The following RPGRIP1L variants were observed in gnomAD, a reference collection of about 807,000 sequenced individuals.
RPGRIP1L encodes the protein RPGRIP1 like, also known as protein fantom.
A neutral mutation model predicts 160.4 loss-of-function variants in RPGRIP1L; 131 were observed. That is an observed-to-expected ratio of 0.82 (90% CI 0.71 to 0.94). The LOEUF is 0.94. Among genes scored for constraint, RPGRIP1L ranks in the 40% least tolerant of loss-of-function variants. RPGRIP1L has a pLI of 0.00. For missense variants in RPGRIP1L, 1,522 were observed against 1,535.8 expected, an observed-to-expected ratio of 0.99 and a Z score of 0.15; for synonymous variants, 510 against 515.8, an observed-to-expected ratio of 0.99 and a Z score of 0.15.
intron 21 of RPGRIP1L, among the ~76,000 whole-genome samples, chr16:53,636,941 G>GACACACACACAC (rs34373919): frequency 6.3e-5 from 9 of 142,124 alleles, no homozygotes; most frequent in Admixed American, 2.9e-4. Context: ...TGCAATATTT[G>GACACACACACAC]ACACACACAC....
rs1966216548 is a variant in RPGRIP1L at position 53,641,440 on chromosome 16, C to A, written c.2719G>T (p.Ala907Ser). The A allele has an allele frequency of 6.2e-7, 1 of 1,613,938 alleles. No individual in the cohort carries two copies. The change falls in exon 18 of 27, where the codon GCT becomes TCT. Residue 907 changes from alanine (A) to serine (S), a missense_variant. Physicochemically the swap from Ala to Ser is moderately conservative, Grantham distance 99 (BLOSUM62 1). Transcript: ENST00000647211. ...TTCAATATAACATGGATGGTGCCAGCAGGATGCTTTTGATGGTCTGTTAAC... is the reference window on the plus strand; with the variant it reads ...TTCAATATAACATGGATGGTGCCAGAAGGATGCTTTTGATGGTCTGTTAAC... ...FELTDHQKHP[A>S]GTIHVILKWK... is the part of the protein sequence containing the mutation.
chr16:53,607,571 A>G (rs1418965323), intron 25 of RPGRIP1L, among the ~76,000 whole-genome samples: 1 of 152,232 alleles, frequency 6.6e-6, no homozygotes, highest in East Asian at 1.9e-4. Flanking sequence ...GAAAAGACTG[A>G]GGCTATGCAG....
At chr16:53,665,435 TAA>T (rs1291305225) in intron 9 of RPGRIP1L, among the ~76,000 whole-genome samples, 1 of 152,168 alleles carries the variant, frequency 6.6e-6, no homozygotes, top group Non-Finnish European at 1.5e-5. Context: ...GTGAAACTTT[TAA>T]AGAGTCTGTG....
At chr16:53,695,039 C>G (rs1300016181) in intron 3 of RPGRIP1L, 1 of 350,072 alleles carries the variant, frequency 2.9e-6, no homozygotes, top group Non-Finnish European at 5.1e-6. Flanking sequence ...AACTTGATTC[C>G]TAGCTCAGTC....
At position 53,696,230 on chromosome 16, in the gene RPGRIP1L, C is replaced by G; in HGVS notation, c.151G>C (p.Glu51Gln). The G allele has an allele frequency of 6.2e-7, 1 of 1,614,066 alleles. No individual in the cohort carries two copies. The highest frequency in any genetic ancestry group is 1.7e-5 in the Admixed American group (1 of 60,022). The change falls in exon 3 of 27, where the codon GAA (glutamate) becomes CAA (glutamine). Residue 51 changes from glutamate to glutamine, a missense_variant. Coordinates refer to ENST00000647211, the MANE Select transcript of RPGRIP1L (RefSeq NM_015272.5). ...AVSRVSREELEDRFLRLHDEN... is the reference protein window; with the variant it reads ...AVSRVSREELQDRFLRLHDEN... Reference sequence around the variant, plus strand: ...TCATGCAAACGCAAAAATCTGTCTTCCAGTTCCTCACGACTGACACGTGAC... The same window carrying G: ...TCATGCAAACGCAAAAATCTGTCTTGCAGTTCCTCACGACTGACACGTGAC...
chr16:53,658,985 G>T, intron 10 of RPGRIP1L, 107 bp from the exon 11 acceptor site: 1 of 816,332 alleles, frequency 1.2e-6, no homozygotes, highest in Non-Finnish European at 2.0e-6. Flanking sequence ...ATCTAGTATT[G>T]TTCTGGTCAG....
chr16:53,701,786 AGG>A (rs1014775372), intron 1 of RPGRIP1L: 7 of 152,172 alleles, frequency 4.6e-5, no homozygotes, highest in African/African-American at 1.7e-4. Context: ...ATGGGGTTTC[AGG>A]GTCTGTGAAC....
chr16:53,663,383 A>C (rs1204121691), intron 10 of RPGRIP1L, among the ~76,000 whole-genome samples: 1 of 152,114 alleles, frequency 6.6e-6, no homozygotes, highest in Non-Finnish European at 1.5e-5. Context: ...CAGATATCCA[A>C]AAGATAACAG....
At chr16:53,653,162 T>C (rs1966933587) in intron 14 of RPGRIP1L, 175 bp from the exon 15 acceptor site, 1 of 412,046 alleles carries the variant, frequency 2.4e-6, no homozygotes, top group African/African-American at 2.2e-5. Context: ...ATCATTTCTG[T>C]TTTGACATCA....
At chr16:53,654,899 C>T (rs548902032) in intron 14 of RPGRIP1L, among the ~76,000 whole-genome samples, 16 of 152,300 alleles carry the variant, frequency 1.1e-4, no homozygotes, top group African/African-American at 2.9e-4. Flanking sequence ...TTTTGGAAAA[C>T]CCTGCTTCGT....
chr16:53,639,734 T>C (rs574691145), intron 19 of RPGRIP1L, among the ~76,000 whole-genome samples: 2 of 152,260 alleles, frequency 1.3e-5, no homozygotes, highest in East Asian at 1.9e-4. Flanking sequence ...ATCAACTACA[T>C]AGGGTTGTTG....
At chr16:53,653,241 A>T in intron 14 of RPGRIP1L, 1 of 875,118 alleles carries the variant, frequency 1.1e-6, no homozygotes, top group South Asian at 5.3e-5. Flanking sequence ...AGGGGAGAAA[A>T]ATATCAAAAG....
chr16:53,627,619 C>T (rs1965266052), intron 22 of RPGRIP1L, among the ~76,000 whole-genome samples: 1 of 152,048 alleles, frequency 6.6e-6, no homozygotes, highest in Non-Finnish European at 1.5e-5. Context: ...CCAAACATGC[C>T]TTTATATTTT....
At chr16:53,646,124 T>A in intron 16 of RPGRIP1L, 121 bp from the exon 17 acceptor site, 1 of 857,520 alleles carries the variant, frequency 1.2e-6, no homozygotes, top group Non-Finnish European at 1.9e-6. Context: ...CACTTCATAA[T>A]TTCTCAGTAA....
intron 24 of RPGRIP1L, among the ~76,000 whole-genome samples, chr16:53,613,181 C>T (rs1405960075): frequency 6.6e-6 from 1 of 152,174 alleles, no homozygotes; most frequent in East Asian, 1.9e-4. Flanking sequence ...ATTGTTTCCA[C>T]CTTTGACTAT....
At chr16:53,661,724 A>C (rs1307149722) in intron 10 of RPGRIP1L, among the ~76,000 whole-genome samples, 2 of 152,102 alleles carry the variant, frequency 1.3e-5, no homozygotes, top group Admixed American at 1.3e-4. Context: ...CAGGGTTCCT[A>C]TATGTTATTA....
chr16:53,666,509 T>C (rs2151206460), intron 9 of RPGRIP1L, among the ~76,000 whole-genome samples: 1 of 152,146 alleles, frequency 6.6e-6, no homozygotes, highest in African/African-American at 2.4e-5. Flanking sequence ...TTTCTATGTA[T>C]GGCCAAATTG....
intron 22 of RPGRIP1L, among the ~76,000 whole-genome samples, chr16:53,627,157 G>A (rs553415922): frequency 3.2e-4 from 49 of 152,190 alleles, no homozygotes; most frequent in Middle Eastern, 6.8e-3. Context: ...GCCACTACAC[G>A]CAGCCATACT....
At chr16:53,639,597 T>G (rs1024094924) in intron 19 of RPGRIP1L, among the ~76,000 whole-genome samples, 2 of 152,140 alleles carry the variant, frequency 1.3e-5, no homozygotes, top group East Asian at 3.9e-4. Context: ...TTTTTAATGT[T>G]AGTGGTCATT....
Sources: allele counts gnomAD v4.1 joint callset (sites outside exome capture counted in the v4.1 genomes callset), GRCh38; gene constraint gnomAD v4.1.1; transcripts MANE v1.5; gene names NCBI Gene and HGNC (gene_info 2026-07-23, HGNC 2026-07-21).